TTN: variants seen among roughly 807,000 people sequenced by gnomAD.
The protein encoded by TTN is titin.
TTN carries 1,525 observed loss-of-function variants against 3,223.0 expected under a neutral mutation model. The observed-to-expected ratio is 0.47, with a 90% CI of 0.45 to 0.49. TTN has a LOEUF of 0.49. TTN is among the 20% of genes least tolerant of loss of function. The pLI, the probability that TTN is intolerant of heterozygous loss-of-function variation, is 0.00. For missense variants in TTN, 40,786 were observed against 43,424.0 expected, an observed-to-expected ratio of 0.94 and a Z score of 5.40; for synonymous variants, 14,094 against 15,161.0, an observed-to-expected ratio of 0.93 and a Z score of 5.17.
Position 178,594,430 on chromosome 2 carries a change from T to A in TTN, c.58064A>T (p.Tyr19355Phe). Residue 19355 changes from tyrosine (Y) to phenylalanine (F), a missense_variant, in exon 296 of 363, where the codon TAT (tyrosine) becomes TTT (phenylalanine). Tyr to Phe is a conservative substitution (Grantham distance 22). Coordinates refer to ENST00000589042, the MANE Select transcript of TTN (RefSeq NM_001267550.2). ...TVKGLKEGDTYEYRVSAVNIV... is the reference protein window; with the variant it reads ...TVKGLKEGDTFEYRVSAVNIV... The stretch of plus-strand genomic sequence containing the variant: ...GTTGACAGCACTGACACGGTACTCA[T>A]AGGTATCACCTTCTTTTAAGCCTTT... The A allele has an allele frequency of 6.2e-7, 1 of 1,612,878 alleles. No homozygotes were observed. The highest frequency in any genetic ancestry group is 8.5e-7 in the Non-Finnish European group (1 of 1,179,360).
Position 178,729,483 on chromosome 2 carries a change from T to C in TTN, c.18673A>G (p.Thr6225Ala), listed in dbSNP as rs794727818. The change falls in exon 64 of 363, where the codon ACA (threonine) becomes GCA (alanine). Residue 6225 changes from threonine (T) to alanine (A), a missense_variant. Thr to Ala is a moderately conservative substitution (Grantham distance 58, BLOSUM62 0). Coordinates refer to ENST00000589042, the MANE Select transcript of TTN (RefSeq NM_001267550.2). ...AGCCAAGTGACTTCAAACGGAGGTG[T>C]TCCCGTAACTTCACACTCCAGCTCC... ...DVELECEVTG[T>A]PPFEVTWLKN... 2 of 1,613,608 alleles carry C rather than the reference T, an allele frequency of 1.2e-6. No homozygotes were observed.
Position 178,739,850 on chromosome 2 carries a change from A to G in TTN, c.13383T>C (p.Asp4461=), listed in dbSNP as rs1261548555. The G allele has an allele frequency of 6.2e-7, 1 of 1,613,914 alleles. No homozygotes were observed. The highest frequency in any genetic ancestry group is 1.7e-5 in the Admixed American group (1 of 60,008). Reference sequence around the variant, plus strand: ...TCAGGTTAGCCATTTGAGGATCAACATCTTCAATAATGATGGTTACTTCTT... The same window carrying G: ...TCAGGTTAGCCATTTGAGGATCAACGTCTTCAATAATGATGGTTACTTCTT... ...VTEEVTIIIE[D]VDPQMANLKM... Residue 4461 remains aspartate (D), a synonymous_variant, in exon 48 of 363, where the codon GAT becomes GAC. Transcript: ENST00000589042.
At position 178,569,410 on chromosome 2, in the gene TTN, A is replaced by G. The variant is rs55696153; in HGVS notation, c.76722T>C (p.Tyr25574=). 3.3e-3 allele frequency: 5,326 copies of G among 1,613,300 alleles called. 13 individuals carry two copies. Among genetic ancestry groups the G allele is most frequent in the Middle Eastern group, 4.6e-3 (28 of 6,052 alleles). ...ATGTAAGCGTATATTTTCCACTATC[A>G]TATCGGTTGACATTGTCAAGAACAA... ...TSLVLDNVNR[Y]DSGKYTLTLE... is the part of the protein sequence containing the mutation. Residue 25574 remains tyrosine (Y), a synonymous_variant, in exon 326 of 363, where the codon TAT becomes TAC. Transcript: ENST00000589042.
At chr2:178,622,076 C>A in intron 243 of TTN, 68 bp from the exon 244 acceptor site, 1 of 1,443,246 alleles carries the variant, frequency 6.9e-7, no homozygotes, top group South Asian at 1.3e-5. Flanking sequence ...TTAAGAAAAA[C>A]TATGATCCTG....
Position 178,645,961 on chromosome 2 carries a change from G to T in TTN, c.40367C>A (p.Pro13456Gln). The T allele has an allele frequency of 6.3e-7, 1 of 1,588,740 alleles. No individual in the cohort carries two copies. Among genetic ancestry groups the T allele is most frequent in the Admixed American group, 1.8e-5 (1 of 56,054 alleles). ...KPRPPPPPPA[P>Q]PKEDVKEKIF... The stretch of plus-strand genomic sequence containing the variant: ...TTTCTCCTTCACATCTTCCTTAGGT[G>T]GAGCAGGTGGAGGAGGTGGGGGTCT... The change falls in exon 217 of 363, where the codon CCA (proline) becomes CAA (glutamine). Residue 13456 changes from proline to glutamine, a missense_variant. Pro to Gln is a moderately conservative substitution (Grantham distance 76). Transcript: ENST00000589042.
In TTN at chr2:178,719,001, TAAAGAG is replaced by T. The variant is rs762211156; in HGVS notation, c.24227-34_24227-29del. On this transcript the variant is annotated intron_variant, in intron 83 of 362. Transcript: ENST00000589042. ...AGATATTGCAAGGCGGAAGGGGAGA[TAAAGAG>T]AAGAAAGAAATCCAAGTGAGAAGTG... 25 of 1,547,720 alleles carry T rather than the reference TAAAGAG, an allele frequency of 1.6e-5. No homozygotes were observed. In the African/African-American group the frequency reaches 3.3e-4, roughly 21 times the overall value.
At chr2:178,693,365 G>A (rs2072921042) in intron 119 of TTN, among the ~76,000 whole-genome samples, 1 of 152,032 alleles carries the variant, frequency 6.6e-6, no homozygotes, top group Non-Finnish European at 1.5e-5. Context: ...GTATTTCCAA[G>A]TAACAGGTTA....
chr2:178,553,385 T>C lies in TTN; in HGVS notation c.89515A>G (p.Ile29839Val), dbSNP rs750806089. 29 of 1,593,676 alleles carry C rather than the reference T, an allele frequency of 1.8e-5. No homozygotes were observed. The African/African-American group carries it at 2.8e-4, about 15-fold the overall frequency. ...QAKDILEAPE[I>V]DLDVALRTSV... ...GTTCTGAGAGCCACATCCAGGTCAA[T>C]CTCTGGTGCCTCTGTAGACATAAAA... Residue 29839 changes from isoleucine (I) to valine (V), a missense_variant, in exon 335 of 363, where the codon ATT becomes GTT. Coordinates refer to ENST00000589042, the MANE Select transcript of TTN (RefSeq NM_001267550.2).
rs776280203 is a variant in TTN, at chr2:178,642,187, C to T, written c.40558+50G>A. 42 of 1,447,520 alleles carry T rather than the reference C, an allele frequency of 2.9e-5. No homozygotes were observed. The African/African-American group carries it at 4.2e-4, about 14-fold the overall frequency. 89.7% of individuals were successfully genotyped at this position (1,447,520 alleles called of 1,614,324 possible). A position where few individuals can be genotyped will look rare whatever the true frequency, so the allele number is the denominator to read the frequency against. ...GAAACATTTTGTAAGCTTTCAAGTTCATTTTTAAAATATACTTAACGCTGA... is the reference window on the plus strand; with the variant it reads ...GAAACATTTTGTAAGCTTTCAAGTTTATTTTTAAAATATACTTAACGCTGA... On this transcript the variant is annotated intron_variant, in intron 219 of 362. Coordinates refer to ENST00000589042, the MANE Select transcript of TTN (RefSeq NM_001267550.2).
rs900595098 is a variant in TTN at position 178,612,598 on chromosome 2, CA to C, written c.49949-23del. ...GGATCTGAAAAAGAAGGAAGGAAAA[CA>C]AATTCATTTTTTTTTTTATTACCCA... On this transcript the variant is annotated intron_variant, in intron 265 of 362. Coordinates refer to ENST00000589042, the MANE Select transcript of TTN (RefSeq NM_001267550.2). 2.5e-6 allele frequency: 4 copies of C among 1,571,284 alleles called. No homozygotes were observed. The African/African-American group carries it at 6.4e-5, about 25-fold the overall frequency.
intron 224 of TTN, among the ~76,000 whole-genome samples, chr2:178,637,165 A>ATATATATATC (rs2060568479): frequency 1.7e-5 from 2 of 121,154 alleles, no homozygotes; most frequent in Admixed American, 7.6e-5. Context: ...ATATATATAT[A>ATATATATATC]TATATATATA....
In TTN at chr2:178,647,211, C is replaced by T. The variant is rs569832557; in HGVS notation, c.40142-67G>A. ...CAGAATACTGCAACTACTATTCTAA[C>T]ATATCAACCTAGTTACATTAAGTAA... is the stretch of plus-strand genomic sequence containing the variant. On this transcript the variant is annotated intron_variant, in intron 214 of 362. Transcript: ENST00000589042. 4.0e-5 allele frequency: 46 copies of T among 1,140,342 alleles called. No individual in the cohort carries two copies. The South Asian group carries it at 7.8e-4, about 19-fold the overall frequency. The allele number at this position is 1,140,342 out of a possible 1,614,324, so 70.6% of individuals were successfully genotyped here. A position where few individuals can be genotyped will look rare whatever the true frequency, so the allele number is the denominator to read the frequency against.
chr2:178,712,603 C>G lies in TTN; in HGVS notation c.27329-10G>C, dbSNP rs1418892360. The stretch of plus-strand genomic sequence containing the variant: ...ACAAATTTGGCTGGGGCTAAAGTGA[C>G]CAAATTGAAAATATAAAATCAAACA... On this transcript the variant is annotated splice_polypyrimidine_tract_variant and intron_variant, in intron 94 of 362. Transcript: ENST00000589042. 3.7e-6 allele frequency: 6 copies of G among 1,607,324 alleles called. No individual in the cohort carries two copies. The highest frequency in any genetic ancestry group is 5.1e-6 in the Non-Finnish European group (6 of 1,176,296).
Position 178,715,638 on chromosome 2 carries a change from CT to C in TTN, c.25775del (p.Glu8592GlyfsTer46). 1 of 1,613,552 alleles carries C rather than the reference CT, an allele frequency of 6.2e-7. No individual in the cohort carries two copies. Among genetic ancestry groups the C allele is most frequent in the African/African-American group, 1.3e-5 (1 of 75,020 alleles). Reference protein sequence around the residue: ...LWYKDETEIQESSKFRMSFVD... With the variant: ...LWYKDETEIQXSSKFRMSFVD... ...CGAATGACATTCTGAATTTACTGCTCTCTTGAATTTCAGTCTCGTCCTTATA... is the reference window on the plus strand; with the variant it reads ...CGAATGACATTCTGAATTTACTGCTCCTTGAATTTCAGTCTCGTCCTTATA... On this transcript the variant is annotated frameshift_variant, in exon 89 of 363. Transcript: ENST00000589042. LOFTEE classifies it high-confidence loss of function.
rs876658103 is a variant in TTN at position 178,749,325 on chromosome 2, C to T, written c.11311+3799G>A. Reference sequence around the variant, plus strand: ...CTTACATGTCTCTCTTTCCCTTCAGCCTGACATTGTATGAATTCAGCCCTG... The same window carrying T: ...CTTACATGTCTCTCTTTCCCTTCAGTCTGACATTGTATGAATTCAGCCCTG... On this transcript the variant is annotated intron_variant, in intron 47 of 362. Coordinates refer to ENST00000589042, the MANE Select transcript of TTN (RefSeq NM_001267550.2). 1 of 1,612,506 alleles carries T rather than the reference C, an allele frequency of 6.2e-7. No homozygotes were observed. Among genetic ancestry groups the T allele is most frequent in the Non-Finnish European group, 8.5e-7 (1 of 1,179,406 alleles).
At chr2:178,716,971 T>C (rs2077580209) in intron 88 of TTN, 124 bp downstream of exon 88, 4 of 1,094,040 alleles carry the variant, frequency 3.7e-6, no homozygotes, top group Non-Finnish European at 4.9e-6. Context: ...CTTGATCCAC[T>C]TGATCCATTT....
rs1016686609 is a variant in TTN, at chr2:178,701,663, T to C, written c.30539-76A>G. ...TTAGAAAACTAAGGTGTGTTTGATT[T>C]ATTAGATCCTGAGATATGTCAGGCA... On this transcript the variant is annotated intron_variant, in intron 109 of 362. Coordinates refer to ENST00000589042, the MANE Select transcript of TTN (RefSeq NM_001267550.2). 1.3e-5 allele frequency: 18 copies of C among 1,402,424 alleles called. No individual in the cohort carries two copies. In the Admixed American group the frequency reaches 3.2e-4, roughly 25 times the overall value. The allele number at this position is 1,402,424 out of a possible 1,614,324, so 86.9% of individuals were successfully genotyped here. A position where few individuals can be genotyped will look rare whatever the true frequency, so the allele number is the denominator to read the frequency against.
Position 178,802,144 on chromosome 2 carries a change from C to A in TTN, c.289G>T (p.Val97Leu). 1 of 1,614,088 alleles carries A rather than the reference C, an allele frequency of 6.2e-7. No individual in the cohort carries two copies. The highest frequency in any genetic ancestry group is 1.1e-5 in the South Asian group (1 of 91,072). ...CAGGTCCCCAGCAGCCTACCTTTCA[C>A]GAGAAGCTCAGCAGTACTAGTCGCT... Reference protein sequence around the residue: ...GQATSTAELLVKAETAPPNFV... With the variant: ...GQATSTAELLLKAETAPPNFV... Residue 97 changes from valine to leucine, a missense_variant, in exon 3 of 363, where the codon GTG becomes TTG. Transcript: ENST00000589042.
chr2:178,671,951 AT>A lies in TTN; in HGVS notation c.35227+19del. ...AGAGCAAGATATAAGAATTTGTAGT[AT>A]TTGAAGAATTCCCTATACCTTTAGG... On this transcript the variant is annotated intron_variant, in intron 155 of 362. Coordinates refer to ENST00000589042, the MANE Select transcript of TTN (RefSeq NM_001267550.2). The A allele has an allele frequency of 6.3e-7, 1 of 1,578,070 alleles. No homozygotes were observed. Among genetic ancestry groups the A allele is most frequent in the Non-Finnish European group, 8.5e-7 (1 of 1,171,090 alleles).
Sources: allele counts gnomAD v4.1 joint callset (sites outside exome capture counted in the v4.1 genomes callset), GRCh38; gene constraint gnomAD v4.1.1; transcripts MANE v1.5; gene names NCBI Gene and HGNC (gene_info 2026-07-23, HGNC 2026-07-21).